NAV3: variants seen among roughly 807,000 people sequenced by gnomAD.
The protein encoded by NAV3 is pore membrane and/or filament interacting like protein 1.
NAV3 carries 87 observed loss-of-function variants against 244.7 expected under a neutral mutation model. The ratio of observed to expected loss-of-function variants is 0.36; its 90% CI spans 0.30 to 0.42. The LOEUF is 0.42. NAV3 is among the 20% of genes least tolerant of loss of function. The pLI, the probability that NAV3 is intolerant of heterozygous loss-of-function variation, is 1.00. For synonymous variants in NAV3, 1,126 were observed against 1,042.2 expected (o/e 1.08, Z -1.55); for missense variants, 2,663 against 2,893.3 (o/e 0.92, Z 1.83).
intron 2 of NAV3, among the ~76,000 whole-genome samples, chr12:77,703,258 T>C (rs1875641473): frequency 6.6e-6 from 1 of 152,080 alleles, no homozygotes; most frequent in South Asian, 2.1e-4. Flanking sequence ...ATTCCACAAT[T>C]TGATGTAAAT....
intron 12 of NAV3, among the ~76,000 whole-genome samples, chr12:78,112,283 C>A (rs192646401): frequency 8.5e-4 from 130 of 152,190 alleles, no homozygotes; most frequent in South Asian, 2.7e-3. Context: ...ATAGATAGTC[C>A]CTGTGCTGCA....
chr12:78,199,664 T>G (rs549950107), intron 37 of NAV3, 133 bp downstream of exon 37: 1 of 616,412 alleles, frequency 1.6e-6, no homozygotes, highest in East Asian at 3.2e-5. Flanking sequence ...TTTTTTTCCC[T>G]TCTGAAAGTT....
intron 1 of NAV3, among the ~76,000 whole-genome samples, chr12:77,937,393 G>T (rs1889424875): frequency 1.3e-5 from 2 of 152,160 alleles, no homozygotes; most frequent in Non-Finnish European, 2.9e-5. Context: ...TCTCACCTAA[G>T]TCCCAGGATG....
intron 30 of NAV3, 132 bp from the exon 31 acceptor site, chr12:78,185,468 CA>C (rs1958671598): frequency 1.5e-6 from 1 of 681,006 alleles, no homozygotes; most frequent in African/African-American, 1.8e-5. Context: ...TGAGGCTTTT[CA>C]AATCAGTTAG....
At chr12:78,112,144 A>G (rs1288012340) in intron 12 of NAV3, among the ~76,000 whole-genome samples, 1 of 152,196 alleles carries the variant, frequency 6.6e-6, no homozygotes, top group Non-Finnish European at 1.5e-5. Flanking sequence ...GAGGCCAGAT[A>G]TCTGCCCATG....
intron 2 of NAV3, among the ~76,000 whole-genome samples, chr12:77,792,949 A>G (rs1057149945): frequency 6.6e-6 from 1 of 152,158 alleles, no homozygotes; most frequent in Admixed American, 6.6e-5. Flanking sequence ...GTGCTGGGTC[A>G]TGGCTAATTC....
chr12:77,762,615 A>C (rs572355433), intron 2 of NAV3, among the ~76,000 whole-genome samples: 12 of 152,186 alleles, frequency 7.9e-5, no homozygotes, highest in South Asian at 6.2e-4. Flanking sequence ...AAAGAAAAAA[A>C]AAAATTAAAA....
chr12:77,846,935 T>C (rs751002286), intron 1 of NAV3, among the ~76,000 whole-genome samples: 9 of 152,170 alleles, frequency 5.9e-5, no homozygotes, highest in Non-Finnish European at 8.8e-5. Flanking sequence ...GATTTGTCAA[T>C]AAAACAAACA....
rs539888339 is a variant in NAV3 at position 78,108,007 on chromosome 12, C to T, written c.2637-8765C>T. 3.9e-5 allele frequency among the ~76,000 whole-genome samples: 6 copies of T among 152,058 alleles called. No homozygotes were observed. The East Asian group carries it at 5.8e-4, about 15-fold the overall frequency. ...AAATGAATTACATTCTCCACCTAAA[C>T]GTTATGAAATGCCTGAATGATAAAA... On this transcript the variant is annotated intron_variant, in intron 12 of 39. Coordinates refer to ENST00000397909, the MANE Select transcript of NAV3 (RefSeq NM_001024383.2).
At chr12:77,913,687 C>T (rs983135105) in intron 1 of NAV3, among the ~76,000 whole-genome samples, 2 of 152,012 alleles carry the variant, frequency 1.3e-5, no homozygotes, top group African/African-American at 4.8e-5. Context: ...GCTATACTAT[C>T]CTTGGTTGAG....
chr12:78,208,121 G>T (rs1296192077), intron 39 of NAV3, among the ~76,000 whole-genome samples: 1 of 152,176 alleles, frequency 6.6e-6, no homozygotes, highest in East Asian at 1.9e-4. Context: ...TTGGGCAGCT[G>T]CATCTGGTGA....
chr12:78,069,556 A>G (rs1952647158), intron 12 of NAV3, among the ~76,000 whole-genome samples: 1 of 151,886 alleles, frequency 6.6e-6, no homozygotes, highest in Non-Finnish European at 1.5e-5. Context: ...ATTAGATATT[A>G]TTTTTGAATA....
chr12:77,578,010 T>C (rs566608528), intron 2 of NAV3, among the ~76,000 whole-genome samples: 49 of 152,272 alleles, frequency 3.2e-4, no homozygotes, highest in African/African-American at 1.2e-3. Flanking sequence ...TCTCCAAAAT[T>C]GATTCTAGTT....
At chr12:77,620,815 C>T (rs1457142329) in intron 2 of NAV3, among the ~76,000 whole-genome samples, 1 of 151,976 alleles carries the variant, frequency 6.6e-6, no homozygotes, top group Non-Finnish European at 1.5e-5. Flanking sequence ...TGAAAGAGTA[C>T]AAAAAGACAA....
chr12:78,054,421 A>C (rs772078853), intron 11 of NAV3, among the ~76,000 whole-genome samples: 1 of 152,216 alleles, frequency 6.6e-6, no homozygotes, highest in Admixed American at 6.5e-5. Context: ...TTTAAACTAC[A>C]TTATAAGCTA....
intron 2 of NAV3, among the ~76,000 whole-genome samples, chr12:77,600,165 G>A (rs939298868): frequency 6.6e-6 from 1 of 151,998 alleles, no homozygotes; most frequent in East Asian, 1.9e-4. Context: ...TTTACCTCAG[G>A]GAATGCAAAA....
At chr12:78,109,485 G>A (rs548885355) in intron 12 of NAV3, among the ~76,000 whole-genome samples, 1 of 151,670 alleles carries the variant, frequency 6.6e-6, no homozygotes, top group Non-Finnish European at 1.5e-5. Context: ...AACCTGACAA[G>A]GACACCACAA....
intron 2 of NAV3, among the ~76,000 whole-genome samples, chr12:77,762,079 C>T (rs1869495490): frequency 6.6e-6 from 1 of 152,174 alleles, no homozygotes; most frequent in South Asian, 2.1e-4. Context: ...CCATGTACAC[C>T]ATGGCAGACT....
At chr12:77,720,849 G>A (rs1021774526) in intron 2 of NAV3, among the ~76,000 whole-genome samples, 5 of 152,122 alleles carry the variant, frequency 3.3e-5, no homozygotes, top group Non-Finnish European at 7.4e-5. Context: ...TCCATGGAGG[G>A]AAGGAGGGTC....
Sources: gnomAD v4.1 joint callset for allele counts (sites outside exome capture counted in the v4.1 genomes callset) on GRCh38, gnomAD v4.1.1 for gene constraint, MANE v1.5 for transcripts, NCBI Gene and HGNC (gene_info 2026-07-23, HGNC 2026-07-21) for gene names.